The following SCRG1 variants were observed in gnomAD, a reference collection of about 807,000 sequenced individuals.
SCRG1 encodes scrapie-responsive protein 1.
SCRG1 carries 3 observed loss-of-function variants against 7.7 expected under a neutral mutation model. The observed-to-expected ratio is 0.39, with a 90% CI of 0.18 to 1.01. The LOEUF (loss-of-function observed/expected upper bound fraction) is 1.01. Among genes scored for constraint, SCRG1 ranks in the 50% least tolerant of loss-of-function variants. The probability of loss-of-function intolerance (pLI) is 0.36; values close to 1 mark genes in which losing one functional copy is unlikely to be tolerated. For missense variants in SCRG1, 110 were observed against 117.2 expected, an observed-to-expected ratio of 0.94 and a Z score of 0.28; for synonymous variants, 46 against 41.2, an observed-to-expected ratio of 1.12 and a Z score of -0.44.
chr4:173,412,944 C>G, the SCRG1 span, among the ~76,000 whole-genome samples: 7 of 152,232 alleles, frequency 4.6e-5, no homozygotes, highest in South Asian at 8.3e-4. Context: ...TACTCAATTT[C>G]CCCCATCTGT....
the SCRG1 span, among the ~76,000 whole-genome samples, chr4:173,483,953 A>ATATATTATATATTTTATATAATATATAG: frequency 5.0e-4 from 13 of 26,094 alleles, no homozygotes; most frequent in East Asian, 1.9e-3. Context: ...ATCATATATA[A>ATATATTATATATTTTATATAATATATAG]TATATTATAT....
At chr4:173,409,051 C>T (rs1739984657), upstream of SCRG1, among the ~76,000 whole-genome samples, 1 of 150,028 alleles carries the variant, frequency 6.7e-6, no homozygotes, top group South Asian at 2.1e-4. Flanking sequence ...GAGTCTAAAG[C>T]TATCTCAGCA....
the SCRG1 span, among the ~76,000 whole-genome samples, chr4:173,516,445 T>C: frequency 6.6e-6 from 1 of 152,148 alleles, no homozygotes; most frequent in African/African-American, 2.4e-5. Flanking sequence ...GATTTTCTGT[T>C]TCTAAAGAAA....
chr4:173,402,471 C>G (rs1739786769), upstream of SCRG1, among the ~76,000 whole-genome samples: 1 of 151,388 alleles, frequency 6.6e-6, no homozygotes, highest in Non-Finnish European at 1.5e-5. Flanking sequence ...AAAAAAACCT[C>G]CCAAAATTGA....
chr4:173,397,603 T>C (rs1007162509), intron 1 of SCRG1, among the ~76,000 whole-genome samples: 8 of 152,218 alleles, frequency 5.3e-5, no homozygotes, highest in African/African-American at 1.7e-4. Context: ...CAATAAATCA[T>C]TGCTACCATC....
the SCRG1 span, among the ~76,000 whole-genome samples, chr4:173,430,266 C>T: frequency 1.3e-5 from 2 of 152,254 alleles, no homozygotes; most frequent in Non-Finnish European, 2.9e-5. Flanking sequence ...AAAACCTGAA[C>T]CCTAGGCTGC....
At chr4:173,514,079 C>T in the SCRG1 span, among the ~76,000 whole-genome samples, 4 of 152,064 alleles carry the variant, frequency 2.6e-5, no homozygotes, top group Admixed American at 2.6e-4. Flanking sequence ...GAAAAACATG[C>T]AATAACTTTC....
chr4:173,458,165 G>A, the SCRG1 span, among the ~76,000 whole-genome samples: 2 of 152,270 alleles, frequency 1.3e-5, no homozygotes, highest in Admixed American at 6.5e-5. Flanking sequence ...GAGTGCTCAC[G>A]CATAGGGCCA....
chr4:173,399,492 T>TGTGTGTGTGTGTGTTTGTGTGTC (rs1739699816), upstream of SCRG1: 2 of 32,866 alleles, frequency 6.1e-5, no homozygotes, highest in African/African-American at 1.8e-4. Context: ...GTGTGTGTGT[T>TGTGTGTGTGTGTGTTTGTGTGTC]TGTGTGTCTG....
chr4:173,477,872 GAT>G, the SCRG1 span, among the ~76,000 whole-genome samples: 4 of 151,900 alleles, frequency 2.6e-5, no homozygotes, highest in Non-Finnish European at 4.4e-5. Context: ...AGTCTCAAGT[GAT>G]AGTCCCCCCA....
chr4:173,488,136 T>A, the SCRG1 span, among the ~76,000 whole-genome samples: 15,283 of 107,654 alleles, frequency 0.14, 827 homozygotes, highest in Middle Eastern at 0.15. Context: ...TAAATAAATT[T>A]AAAAAATGGT....
At chr4:173,419,295 G>A in the SCRG1 span, 1 of 656,938 alleles carries the variant, frequency 1.5e-6, no homozygotes, top group Non-Finnish European at 2.6e-6. Flanking sequence ...GCCTTCTCTT[G>A]AGCTACCCAA....
the SCRG1 span, among the ~76,000 whole-genome samples, chr4:173,512,933 C>T: frequency 2.6e-5 from 4 of 152,246 alleles, no homozygotes; most frequent in Middle Eastern, 3.4e-3. Context: ...TGGAGTCTAT[C>T]AAGTCTACAC....
the SCRG1 span, among the ~76,000 whole-genome samples, chr4:173,435,411 C>T: frequency 2.1e-3 from 326 of 152,306 alleles, 5 homozygotes; most frequent in Admixed American, 0.019. Context: ...GGTTACCCGT[C>T]GGACATCCCT....
At chr4:173,401,224 C>G (rs553083251), upstream of SCRG1, among the ~76,000 whole-genome samples, 1 of 152,254 alleles carries the variant, frequency 6.6e-6, no homozygotes, top group South Asian at 2.1e-4. Flanking sequence ...GAGGTGTGTG[C>G]GCAATGGACT....
chr4:173,390,555 C>G (rs940571049), intron 2 of SCRG1, among the ~76,000 whole-genome samples: 5 of 151,764 alleles, frequency 3.3e-5, no homozygotes, highest in Non-Finnish European at 1.5e-5. Context: ...TCACTGCAAC[C>G]TCAGCCTCTC....
chr4:173,491,708 G>C, the SCRG1 span, among the ~76,000 whole-genome samples: 1 of 152,152 alleles, frequency 6.6e-6, no homozygotes, highest in African/African-American at 2.4e-5. Context: ...CTCTCCGCTT[G>C]CACTGAACAA....
the SCRG1 span, among the ~76,000 whole-genome samples, chr4:173,512,498 A>G: frequency 6.6e-6 from 1 of 152,256 alleles, no homozygotes; most frequent in African/African-American, 2.4e-5. Flanking sequence ...GTGCACACGC[A>G]GAGAAAGTAA....
At chr4:173,471,002 C>G in the SCRG1 span, among the ~76,000 whole-genome samples, 1 of 152,080 alleles carries the variant, frequency 6.6e-6, no homozygotes, top group Non-Finnish European at 1.5e-5. Context: ...ATGCCATATG[C>G]TTTTTGAAAA....
Sources: gnomAD v4.1 joint callset for allele counts (sites outside exome capture counted in the v4.1 genomes callset) on GRCh38, gnomAD v4.1.1 for gene constraint, MANE v1.5 for transcripts, NCBI Gene and HGNC (gene_info 2026-07-23, HGNC 2026-07-21) for gene names.